The following RBFOX1 variants were observed in gnomAD, a reference collection of about 807,000 sequenced individuals.
RBFOX1 encodes the protein RNA binding fox-1 homolog 1.
Under a neutral mutation model 57.7 loss-of-function variants are expected in RBFOX1, and 8 were observed. The ratio of observed to expected loss-of-function variants is 0.14; its 90% CI spans 0.08 to 0.25. The LOEUF is 0.25. Among genes scored for constraint, RBFOX1 ranks in the 10% least tolerant of loss-of-function variants. The probability of loss-of-function intolerance (pLI) is 1.00; values close to 1 mark genes in which losing one functional copy is unlikely to be tolerated. For missense variants in RBFOX1, 611 were observed against 548.5 expected (o/e 1.11, Z -1.14); for synonymous variants, 326 against 222.4 (o/e 1.47, Z -4.15).
intron 3 of RBFOX1, among the ~76,000 whole-genome samples, chr16:5,631,053 C>A (rs1245186069): frequency 6.6e-6 from 1 of 152,178 alleles, no homozygotes; most frequent in Non-Finnish European, 1.5e-5. Flanking sequence ...CAACAGATGG[C>A]CAAACCAGTC....
At chr16:6,447,343 C>G (rs2094504516) in intron 2 of RBFOX1, among the ~76,000 whole-genome samples, 1 of 152,170 alleles carries the variant, frequency 6.6e-6, no homozygotes, top group African/African-American at 2.4e-5. Context: ...CATGGCCTAA[C>G]AGATCCCTCA....
At chr16:7,209,820 A>T (rs1020752819) in intron 4 of RBFOX1, among the ~76,000 whole-genome samples, 1 of 152,164 alleles carries the variant, frequency 6.6e-6, no homozygotes, top group Non-Finnish European at 1.5e-5. Flanking sequence ...GATGCAATAG[A>T]TGAATGAGAC....
chr16:6,363,209 T>G (rs182247059), intron 2 of RBFOX1, among the ~76,000 whole-genome samples: 9 of 152,366 alleles, frequency 5.9e-5, no homozygotes, highest in African/African-American at 2.2e-4. Flanking sequence ...CATCCTAATT[T>G]TGAAGACTTT....
chr16:5,386,305 A>C (rs1348259999), intron 1 of RBFOX1, among the ~76,000 whole-genome samples: 1 of 151,952 alleles, frequency 6.6e-6, no homozygotes, highest in African/African-American at 2.4e-5. Context: ...TGCCTCAGGG[A>C]AATGACCAGG....
At chr16:5,607,976 G>A (rs568213031) in intron 3 of RBFOX1, among the ~76,000 whole-genome samples, 8 of 152,296 alleles carry the variant, frequency 5.3e-5, no homozygotes, top group Non-Finnish European at 7.3e-5. Flanking sequence ...ATGTGCACTC[G>A]TGCACCTGTT....
chr16:6,912,050 G>C (rs767062924), intron 3 of RBFOX1, among the ~76,000 whole-genome samples: 5 of 152,232 alleles, frequency 3.3e-5, no homozygotes, highest in Non-Finnish European at 7.3e-5. Flanking sequence ...ATTTCTTTGA[G>C]AGAGAAGTTT....
intron 4 of RBFOX1, among the ~76,000 whole-genome samples, chr16:7,308,255 C>T (rs577593330): frequency 5.4e-5 from 8 of 148,268 alleles, no homozygotes; most frequent in Non-Finnish European, 1.0e-4. Context: ...TGATGAGATT[C>T]GTTTTCTGAT....
intron 1 of RBFOX1, among the ~76,000 whole-genome samples, chr16:6,130,726 G>A (rs757449041): frequency 1.3e-5 from 2 of 152,142 alleles, no homozygotes; most frequent in African/African-American, 2.4e-5. Context: ...TGGTGTGTCT[G>A]TATTACTGTC....
At chr16:7,269,385 C>G (rs762915523) in intron 4 of RBFOX1, among the ~76,000 whole-genome samples, 14 of 152,052 alleles carry the variant, frequency 9.2e-5, no homozygotes, top group African/African-American at 2.9e-4. Flanking sequence ...GCTCATCACC[C>G]CCAAATAATC....
At chr16:6,612,434 A>G (rs17720557) in intron 2 of RBFOX1, among the ~76,000 whole-genome samples, 3,387 of 152,124 alleles carry the variant, frequency 0.022, 57 homozygotes, top group South Asian at 0.064. Flanking sequence ...CAGATCTCTA[A>G]TTACGTATAT....
At chr16:5,845,632 C>T (rs2056737493) in intron 3 of RBFOX1, among the ~76,000 whole-genome samples, 1 of 152,126 alleles carries the variant, frequency 6.6e-6, no homozygotes, top group Non-Finnish European at 1.5e-5. Context: ...ACTGTGCTGT[C>T]CCATTTGGAA....
At chr16:5,524,882 A>G (rs546027659) in intron 2 of RBFOX1, among the ~76,000 whole-genome samples, 23 of 152,160 alleles carry the variant, frequency 1.5e-4, no homozygotes, top group African/African-American at 5.5e-4. Context: ...CTACTTACTC[A>G]GGGGAGCCTT....
chr16:6,235,700 A>T (rs1307293051), intron 1 of RBFOX1, among the ~76,000 whole-genome samples: 1 of 152,100 alleles, frequency 6.6e-6, no homozygotes, highest in Non-Finnish European at 1.5e-5. Flanking sequence ...AATTAATGGC[A>T]TTCACAGTGA....
intron 1 of RBFOX1, among the ~76,000 whole-genome samples, chr16:6,149,393 A>G (rs193058905): frequency 6.6e-5 from 10 of 152,350 alleles, no homozygotes; most frequent in African/African-American, 2.4e-4. Flanking sequence ...AGGAGGATTC[A>G]TTGCAGACGC....
chr16:7,398,672 T>C (rs1024907340), intron 4 of RBFOX1, among the ~76,000 whole-genome samples: 4 of 152,336 alleles, frequency 2.6e-5, no homozygotes, highest in Admixed American at 2.6e-4. Context: ...TTGAAACTTA[T>C]TGATGTGATG....
At chr16:6,589,508 G>T (rs572889789) in intron 2 of RBFOX1, among the ~76,000 whole-genome samples, 1 of 152,318 alleles carries the variant, frequency 6.6e-6, no homozygotes, top group African/African-American at 2.4e-5. Flanking sequence ...CCATATGGGT[G>T]ATGCCCACTG....
intron 1 of RBFOX1, among the ~76,000 whole-genome samples, chr16:6,080,116 C>T (rs533923677): frequency 1.3e-5 from 2 of 152,272 alleles, no homozygotes; most frequent in South Asian, 4.1e-4. Flanking sequence ...GCCATGCAGG[C>T]ATATTTCCAC....
At chr16:7,284,808 C>T (rs1294971354) in intron 4 of RBFOX1, among the ~76,000 whole-genome samples, 2 of 152,220 alleles carry the variant, frequency 1.3e-5, no homozygotes, top group Admixed American at 6.5e-5. Context: ...AGGGCAGTCA[C>T]TGGCTGAGTG....
intron 2 of RBFOX1, among the ~76,000 whole-genome samples, chr16:5,550,875 C>T (rs2045434741): frequency 6.6e-6 from 1 of 152,160 alleles, no homozygotes; most frequent in African/African-American, 2.4e-5. Flanking sequence ...GATGTAATCT[C>T]AGAATGCAGG....
Sources: allele counts gnomAD v4.1 joint callset (sites outside exome capture counted in the v4.1 genomes callset), GRCh38; gene constraint gnomAD v4.1.1; transcripts MANE v1.5; gene names NCBI Gene and HGNC (gene_info 2026-07-23, HGNC 2026-07-21).